OXR1: variants seen among roughly 807,000 people sequenced by gnomAD.
OXR1 encodes oxidation resistance 1.
A neutral mutation model predicts 104.6 loss-of-function variants in OXR1; 41 were observed. That is an observed-to-expected ratio of 0.39 (90% CI 0.31 to 0.51). OXR1 has a LOEUF of 0.51. Ranked by LOEUF, OXR1 falls within the 20% of genes least tolerant of loss-of-function variation. The probability of loss-of-function intolerance (pLI) is 0.77; values close to 1 mark genes in which losing one functional copy is unlikely to be tolerated. For missense variants in OXR1, 955 were observed against 1,031.9 expected, an observed-to-expected ratio of 0.93 and a Z score of 1.02; for synonymous variants, 348 against 348.4, an observed-to-expected ratio of 1.00 and a Z score of 0.01.
intron 2 of OXR1, among the ~76,000 whole-genome samples, chr8:106,469,323 C>T (rs1356542296): frequency 6.6e-6 from 1 of 151,758 alleles, no homozygotes; most frequent in Non-Finnish European, 1.5e-5. Flanking sequence ...TACATATCTT[C>T]TCTGAATCTA....
intron 2 of OXR1, among the ~76,000 whole-genome samples, chr8:106,381,395 T>G (rs1817143268): frequency 6.6e-6 from 1 of 152,082 alleles, no homozygotes; most frequent in African/African-American, 2.4e-5. Context: ...GGGTCAAATC[T>G]TTGAAAGATT....
At chr8:106,622,453 GCACACACACA>G (rs34839524) in intron 3 of OXR1, among the ~76,000 whole-genome samples, 3 of 136,276 alleles carry the variant, frequency 2.2e-5, no homozygotes, top group African/African-American at 8.0e-5. Context: ...ATCACCCCCA[GCACACACACA>G]CACACACACA....
intron 6 of OXR1, among the ~76,000 whole-genome samples, chr8:106,687,161 T>G (rs1215801746): frequency 6.6e-6 from 1 of 152,104 alleles, no homozygotes; most frequent in Admixed American, 6.6e-5. Flanking sequence ...TTGCAGAAGA[T>G]AAGGGGGAAG....
At position 106,516,776 on chromosome 8, in the gene OXR1, T is replaced by G. The variant is rs59713463; in HGVS notation, c.24-2167T>G. On this transcript the variant is annotated intron_variant, in intron 2 of 16. Transcript: ENST00000517566. ...CTGCAATATAGTACAATATGATATT[T>G]TAAGAGAGAGAAAGAGAGAGACCTC... Among the ~76,000 whole-genome samples the G allele has an allele frequency of 2.1e-3, 314 of 152,278 alleles. 1 individual carries two copies. The East Asian group carries it at 0.031, about 15-fold the overall frequency.
chr8:106,447,949 C>A, intron 2 of OXR1: 1 of 1,534,904 alleles, frequency 6.5e-7, no homozygotes. Context: ...ACGGGGCTCA[C>A]AGGTAACAGA....
intron 3 of OXR1, among the ~76,000 whole-genome samples, chr8:106,552,022 C>T (rs779814136): frequency 2.0e-5 from 3 of 151,450 alleles, no homozygotes; most frequent in Non-Finnish European, 2.9e-5. Context: ...GTTTGCAACA[C>T]TGCACTCCAA....
At chr8:106,531,295 A>G (rs541303945) in intron 3 of OXR1, among the ~76,000 whole-genome samples, 2 of 152,342 alleles carry the variant, frequency 1.3e-5, no homozygotes, top group South Asian at 4.1e-4. Flanking sequence ...ATGAATTATT[A>G]TATTTATAAA....
chr8:106,491,616 C>G (rs769450724), intron 2 of OXR1, among the ~76,000 whole-genome samples: 2 of 152,092 alleles, frequency 1.3e-5, no homozygotes, highest in South Asian at 2.1e-4. Flanking sequence ...TGAAAGCAAG[C>G]AGTGGCTAGT....
At chr8:106,322,681 G>T (rs1055531819) in intron 1 of OXR1, among the ~76,000 whole-genome samples, 3 of 152,152 alleles carry the variant, frequency 2.0e-5, no homozygotes, top group African/African-American at 7.2e-5. Context: ...AACAACTTCA[G>T]CAAAGTTGCG....
At chr8:106,602,152 G>A (rs1820018601) in intron 3 of OXR1, among the ~76,000 whole-genome samples, 1 of 152,234 alleles carries the variant, frequency 6.6e-6, no homozygotes, top group South Asian at 2.1e-4. Flanking sequence ...GGAAAGCCAT[G>A]CCAGGATTCC....
At chr8:106,368,377 G>A (rs1328957700) in intron 2 of OXR1, among the ~76,000 whole-genome samples, 1 of 151,746 alleles carries the variant, frequency 6.6e-6, no homozygotes, top group Non-Finnish European at 1.5e-5. Flanking sequence ...TTAAGGACAT[G>A]GTATGTGTTT....
At chr8:106,422,448 G>A (rs1222904384) in intron 2 of OXR1, among the ~76,000 whole-genome samples, 1 of 152,078 alleles carries the variant, frequency 6.6e-6, no homozygotes, top group African/African-American at 2.4e-5. Flanking sequence ...ATTCCGTGCT[G>A]TGTCTTAGAA....
At chr8:106,351,912 C>T (rs1176419206) in intron 1 of OXR1, among the ~76,000 whole-genome samples, 1 of 151,998 alleles carries the variant, frequency 6.6e-6, no homozygotes, top group Non-Finnish European at 1.5e-5. Flanking sequence ...AAGAAATAAA[C>T]AAGGAATGCA....
chr8:106,666,220 G>T (rs775695790), intron 3 of OXR1, among the ~76,000 whole-genome samples: 16 of 152,172 alleles, frequency 1.1e-4, no homozygotes, highest in Non-Finnish European at 1.5e-4. Flanking sequence ...ATAGATTTTA[G>T]ATAGTTACGA....
intron 2 of OXR1, among the ~76,000 whole-genome samples, chr8:106,385,757 T>C (rs1359984354): frequency 6.6e-6 from 1 of 152,152 alleles, no homozygotes; most frequent in Non-Finnish European, 1.5e-5. Flanking sequence ...CAATTTGTTA[T>C]GCATGAAAGA....
intron 6 of OXR1, among the ~76,000 whole-genome samples, chr8:106,688,186 T>C (rs1248955206): frequency 2.1e-4 from 32 of 152,128 alleles, no homozygotes; most frequent in Admixed American, 2.1e-3. Context: ...ATGTGTTATA[T>C]TCAGGATGAA....
intron 1 of OXR1, among the ~76,000 whole-genome samples, chr8:106,291,531 C>T (rs1010943296): frequency 6.6e-6 from 1 of 152,142 alleles, no homozygotes; most frequent in Non-Finnish European, 1.5e-5. Flanking sequence ...CAGCAGTCTC[C>T]CACTTAACTG....
intron 2 of OXR1, among the ~76,000 whole-genome samples, chr8:106,393,612 C>A (rs1304447042): frequency 2.0e-5 from 3 of 151,886 alleles, no homozygotes; most frequent in African/African-American, 7.3e-5. Flanking sequence ...TCTTTATTTC[C>A]CCTTCCTTCT....
At chr8:106,283,413 A>G (rs893799752) in intron 1 of OXR1, among the ~76,000 whole-genome samples, 2 of 152,212 alleles carry the variant, frequency 1.3e-5, no homozygotes, top group Non-Finnish European at 2.9e-5. Flanking sequence ...TGTGGATTCC[A>G]GAAGGACCGA....
Sources: gnomAD v4.1 joint callset for allele counts (sites outside exome capture counted in the v4.1 genomes callset) on GRCh38, gnomAD v4.1.1 for gene constraint, MANE v1.5 for transcripts, NCBI Gene and HGNC (gene_info 2026-07-23, HGNC 2026-07-21) for gene names.